Variants in DMD observed in about 807,000 individuals in gnomAD.
The protein encoded by DMD is dystrophin.
Under a neutral mutation model 330.1 loss-of-function variants are expected in DMD, and 63 were observed. The observed-to-expected ratio is 0.19, with a 90% CI of 0.16 to 0.24. The LOEUF (loss-of-function observed/expected upper bound fraction) is 0.24, where lower values mean the gene tolerates loss of function less well. Among genes scored for constraint, DMD ranks in the 10% least tolerant of loss-of-function variants. DMD has a pLI of 1.00. For missense variants in DMD, 3,344 were observed against 2,684.1 expected (o/e 1.25, Z -5.43); for synonymous variants, 1,223 against 959.8 (o/e 1.27, Z -5.07).
At chrX:31,477,452 C>A (rs989890372) in intron 59 of DMD, among the ~76,000 whole-genome samples, 3 of 111,510 alleles carry the variant, frequency 2.7e-5, no homozygotes, top group Non-Finnish European at 1.9e-5. Context: ...TGAGTAGTTG[C>A]TGATTTCAAA....
At chrX:32,491,053 A>T (rs1395093377) in intron 20 of DMD, among the ~76,000 whole-genome samples, 3 of 112,637 alleles carry the variant, frequency 2.7e-5, no homozygotes, top group African/African-American at 9.7e-5. Flanking sequence ...CGACACAATC[A>T]ATTAGCGCTG....
chrX:31,283,285 C>T (rs962284049), intron 62 of DMD, among the ~76,000 whole-genome samples: 4 of 111,416 alleles, frequency 3.6e-5, no homozygotes, highest in Admixed American at 9.6e-5. Context: ...TGTTTGTTTG[C>T]GCAGATGGGG....
chrX:32,404,835 AT>A (rs1443501791), intron 30 of DMD, among the ~76,000 whole-genome samples: 2 of 111,971 alleles, frequency 1.8e-5, no homozygotes, highest in Non-Finnish European at 3.8e-5. Context: ...TTAGAAAAAA[AT>A]GAATTGAAGA....
chrX:32,605,196 A>T (rs377335525), intron 12 of DMD, among the ~76,000 whole-genome samples: 1 of 111,062 alleles, frequency 9.0e-6, no homozygotes, highest in African/African-American at 3.3e-5. Flanking sequence ...TGGTATAAAA[A>T]CAGATACATA....
intron 43 of DMD, among the ~76,000 whole-genome samples, chrX:32,254,504 C>T (rs377228140): frequency 6.6e-4 from 74 of 111,818 alleles, no homozygotes; most frequent in African/African-American, 2.1e-3. Flanking sequence ...AATCAAGTAA[C>T]GAAAATGTAA....
chrX:32,143,883 G>A (rs1227655495), intron 44 of DMD, among the ~76,000 whole-genome samples: 2 of 109,814 alleles, frequency 1.8e-5, no homozygotes, highest in Admixed American at 9.9e-5. Flanking sequence ...CTGTCTACTA[G>A]ATACTGAAGA....
At chrX:32,884,738 A>T (rs1004456337) in intron 2 of DMD, among the ~76,000 whole-genome samples, 1 of 111,902 alleles carries the variant, frequency 8.9e-6, no homozygotes, top group African/African-American at 3.2e-5. Context: ...GAAATACACT[A>T]GGTTCAAACT....
At chrX:32,128,816 G>A (rs2096673898) in intron 44 of DMD, among the ~76,000 whole-genome samples, 2 of 112,198 alleles carry the variant, frequency 1.8e-5, no homozygotes, top group Non-Finnish European at 3.8e-5. Context: ...CTTATAACCT[G>A]TGTCGTTCCT....
intron 26 of DMD, 75 bp from the exon 27 acceptor site, chrX:32,448,713 A>C: frequency 8.4e-6 from 8 of 950,415 alleles, no homozygotes; most frequent in South Asian, 2.5e-5. Flanking sequence ...TGAATCATAT[A>C]ATTTCTTTCT....
intron 25 of DMD, among the ~76,000 whole-genome samples, chrX:32,460,702 A>C (rs1264425137): frequency 9.0e-6 from 1 of 111,162 alleles, no homozygotes; most frequent in Non-Finnish European, 1.9e-5. Context: ...ACAAATTGTC[A>C]AGTTCCTACT....
intron 42 of DMD, among the ~76,000 whole-genome samples, chrX:32,297,141 A>G (rs1007866084): frequency 1.8e-5 from 2 of 111,251 alleles, no homozygotes; most frequent in Non-Finnish European, 3.8e-5. Context: ...ACTATCTTCT[A>G]GGTTTCTCTC....
chrX:31,382,808 C>A (rs1485720291), intron 60 of DMD, among the ~76,000 whole-genome samples: 2 of 110,939 alleles, frequency 1.8e-5, no homozygotes, highest in African/African-American at 6.6e-5. Context: ...TCGAAGCAGC[C>A]CTGAGAAACA....
intron 17 of DMD, among the ~76,000 whole-genome samples, chrX:32,524,355 GCTTA>G (rs1291094881): frequency 8.9e-6 from 1 of 111,866 alleles, no homozygotes; most frequent in Non-Finnish European, 1.9e-5. Context: ...TATACTAAGT[GCTTA>G]CTATGTGCCA....
intron 2 of DMD, among the ~76,000 whole-genome samples, chrX:32,870,381 C>T: frequency 9.0e-6 from 1 of 111,498 alleles, no homozygotes; most frequent in East Asian, 2.8e-4. Flanking sequence ...AATGCTATTC[C>T]CATTTATCTA....
chrX:32,603,355 C>A (rs1166914649), intron 12 of DMD, among the ~76,000 whole-genome samples: 1 of 111,089 alleles, frequency 9.0e-6, no homozygotes, highest in Non-Finnish European at 1.9e-5. Context: ...TGGGATACAG[C>A]AAAAGCAGTC....
At chrX:33,022,236 G>A (rs775817781) in intron 1 of DMD, among the ~76,000 whole-genome samples, 29 of 111,148 alleles carry the variant, frequency 2.6e-4, no homozygotes, top group Non-Finnish European at 4.9e-4. Context: ...TCAATATGAG[G>A]TCTTTTGAAG....
intron 11 of DMD, among the ~76,000 whole-genome samples, chrX:32,616,261 T>C (rs1324372757): frequency 9.1e-6 from 1 of 110,126 alleles, no homozygotes; most frequent in African/African-American, 3.3e-5. Context: ...TTTCACACTG[T>C]TTTTTAATAA....
At chrX:31,540,465 T>G (rs1230701283) in intron 55 of DMD, among the ~76,000 whole-genome samples, 1 of 112,152 alleles carries the variant, frequency 8.9e-6, no homozygotes, top group Non-Finnish European at 1.9e-5. Context: ...AGGAAATGAT[T>G]TATGACTTAT....
At chrX:32,614,266 T>A (rs371690385) in intron 12 of DMD, 37 bp downstream of exon 12, 20 of 1,199,461 alleles carry the variant, frequency 1.7e-5, no homozygotes, top group Admixed American at 2.2e-5. Context: ...CAGAGTTTGC[T>A]TTCTAGTAGA....
Sources: allele counts gnomAD v4.1 joint callset (sites outside exome capture counted in the v4.1 genomes callset), GRCh38; gene constraint gnomAD v4.1.1; transcripts MANE v1.5; gene names NCBI Gene and HGNC (gene_info 2026-07-23, HGNC 2026-07-21).